Variants in PLEKHG1 observed in about 807,000 individuals in gnomAD.
PLEKHG1 encodes the protein pleckstrin homology and RhoGEF domain containing G1, also known as pleckstrin homology domain-containing family G member 1.
Under a neutral mutation model 100.8 loss-of-function variants are expected in PLEKHG1, and 44 were observed. That is an observed-to-expected ratio of 0.44 (90% confidence interval 0.34 to 0.56). PLEKHG1 has a LOEUF of 0.56. Ranked by LOEUF, PLEKHG1 falls within the 20% of genes least tolerant of loss-of-function variation. The pLI, the probability that PLEKHG1 is intolerant of heterozygous loss-of-function variation, is 0.01. For missense variants in PLEKHG1, 1,545 were observed against 1,720.9 expected, an observed-to-expected ratio of 0.90 and a Z score of 1.81; for synonymous variants, 640 against 662.5, an observed-to-expected ratio of 0.97 and a Z score of 0.52.
chr6:150,819,790 T>C lies in PLEKHG1; in HGVS notation c.1408+16T>C. On this transcript the variant is annotated intron_variant, in intron 12 of 15. Coordinates refer to ENST00000358517, the Ensembl canonical transcript of PLEKHG1. ...AGAAAATCTGGTAAGTAAGATGTTG[T>C]CATAAAAATTTAATTCTAATGGGGG... The C allele has an allele frequency of 7.0e-7, 1 of 1,433,246 alleles. No homozygotes were observed. 88.8% of individuals were successfully genotyped at this position (1,433,246 alleles called of 1,614,324 possible). A position where few individuals can be genotyped will look rare whatever the true frequency, so the allele number is the denominator to read the frequency against.
chr6:150,740,049 AT>A (rs1264657097), intron 2 of PLEKHG1, among the ~76,000 whole-genome samples: 2 of 152,222 alleles, frequency 1.3e-5, no homozygotes, highest in African/African-American at 2.4e-5. Flanking sequence ...CTTCTCCAAA[AT>A]TTGTGCAGAA....
At chr6:150,605,005 C>T (rs1041083113) in intron 1 of PLEKHG1, among the ~76,000 whole-genome samples, 1 of 152,206 alleles carries the variant, frequency 6.6e-6, no homozygotes, top group African/African-American at 2.4e-5. Flanking sequence ...TCTCTCTCAC[C>T]AGTGGTGGGG....
intron 15 of PLEKHG1, among the ~76,000 whole-genome samples, chr6:150,836,898 AC>A (rs1777252520): frequency 6.6e-6 from 1 of 151,320 alleles, no homozygotes; most frequent in African/African-American, 2.4e-5. Flanking sequence ...GCAGTGACTC[AC>A]ACCTGTAATC....
chr6:150,639,006 T>G (rs1219291014), intron 2 of PLEKHG1, among the ~76,000 whole-genome samples: 1 of 152,194 alleles, frequency 6.6e-6, no homozygotes, highest in Non-Finnish European at 1.5e-5. Flanking sequence ...GGAATGTTAT[T>G]TATATTCTGT....
intron 15 of PLEKHG1, among the ~76,000 whole-genome samples, chr6:150,836,776 T>C (rs112967728): frequency 2.0e-5 from 3 of 151,400 alleles, no homozygotes; most frequent in African/African-American, 7.3e-5. Flanking sequence ...TGAGTTATGA[T>C]TGTACCATTC....
At chr6:150,613,250 T>C (rs1023602784) in intron 1 of PLEKHG1, among the ~76,000 whole-genome samples, 1 of 152,196 alleles carries the variant, frequency 6.6e-6, no homozygotes, top group African/African-American at 2.4e-5. Flanking sequence ...TGTCCCCTTA[T>C]CAAAGAAGTC....
chr6:150,840,307 A>G, exon 16 of PLEKHG1: 6 of 1,614,202 alleles, frequency 3.7e-6, no homozygotes, highest in Non-Finnish European at 5.1e-6. Flanking sequence ...GTCTTGATCA[A>G]CAAATCAATG....
chr6:150,685,455 G>A (rs1478465080), intron 3 of PLEKHG1, among the ~76,000 whole-genome samples: 1 of 152,184 alleles, frequency 6.6e-6, no homozygotes, highest in Admixed American at 6.5e-5. Context: ...GGAAGGAGAG[G>A]CACCCAACAA....
chr6:150,603,713 T>A (rs1001342256), intron 1 of PLEKHG1, among the ~76,000 whole-genome samples: 4 of 151,016 alleles, frequency 2.6e-5, no homozygotes, highest in African/African-American at 7.3e-5. Flanking sequence ...CTTTTTCTGA[T>A]GAGATACAAG....
chr6:150,635,567 C>T (rs954474610), intron 1 of PLEKHG1, among the ~76,000 whole-genome samples: 2 of 152,176 alleles, frequency 1.3e-5, no homozygotes, highest in African/African-American at 4.8e-5. Context: ...CCTGGAGCCA[C>T]ATTTATAAAA....
chr6:150,706,085 C>G (rs1374798563), intron 3 of PLEKHG1, among the ~76,000 whole-genome samples: 1 of 152,100 alleles, frequency 6.6e-6, no homozygotes. Context: ...CTATTATTTT[C>G]TAAAAAGGTA....
intron 3 of PLEKHG1, among the ~76,000 whole-genome samples, chr6:150,680,952 CAA>C (rs943684307): frequency 2.0e-5 from 3 of 152,170 alleles, no homozygotes; most frequent in African/African-American, 7.2e-5. Context: ...TTAGGACAGA[CAA>C]AGAGGAGGTG....
chr6:150,607,612 A>G (rs1276502658), intron 1 of PLEKHG1, among the ~76,000 whole-genome samples: 1 of 152,228 alleles, frequency 6.6e-6, no homozygotes, highest in Admixed American at 6.5e-5. Context: ...TGCCGTGTGA[A>G]GGTCAGAGTC....
intron 10 of PLEKHG1, among the ~76,000 whole-genome samples, chr6:150,814,492 G>A (rs1422274649): frequency 6.6e-6 from 1 of 152,204 alleles, no homozygotes; most frequent in Non-Finnish European, 1.5e-5. Context: ...TACACACTGT[G>A]CTGAGTACTT....
intron 1 of PLEKHG1, among the ~76,000 whole-genome samples, chr6:150,605,135 G>C (rs9480490): frequency 0.079 from 11,955 of 152,268 alleles, 539 homozygotes; most frequent in Non-Finnish European, 0.1. Flanking sequence ...GAAGCATTTA[G>C]AGGTCTAGAG....
At chr6:150,832,955 G>C (rs535427368) in intron 15 of PLEKHG1, among the ~76,000 whole-genome samples, 11 of 151,950 alleles carry the variant, frequency 7.2e-5, no homozygotes, top group African/African-American at 2.2e-4. Context: ...GGGATTACAG[G>C]TGTGAGCCAC....
At chr6:150,620,786 G>A (rs956182576) in intron 1 of PLEKHG1, among the ~76,000 whole-genome samples, 2 of 152,152 alleles carry the variant, frequency 1.3e-5, no homozygotes, top group Admixed American at 6.5e-5. Flanking sequence ...CTCTGCCCTC[G>A]TGGGGTTTGC....
intron 3 of PLEKHG1, among the ~76,000 whole-genome samples, chr6:150,688,228 T>G (rs1780209672): frequency 6.6e-6 from 1 of 152,168 alleles, no homozygotes; most frequent in African/African-American, 2.4e-5. Context: ...AGTTGATTAC[T>G]GAGCTTCAGG....
rs1477336384 is a variant in PLEKHG1 at position 150,786,593 on chromosome 6, T to C, written c.582+134T>C. Reference sequence around the variant, plus strand: ...CTAATCTTTCTCTGGTTTCTTTGTTTGAGTAGCAAAAATGTATTGTTCCTG... The same window carrying C: ...CTAATCTTTCTCTGGTTTCTTTGTTCGAGTAGCAAAAATGTATTGTTCCTG... On this transcript the variant is annotated intron_variant, in intron 4 of 15. Transcript: ENST00000358517. 4 of 626,662 alleles carry C rather than the reference T, an allele frequency of 6.4e-6. No individual in the cohort carries two copies. The Admixed American group carries it at 1.2e-4, about 19-fold the overall frequency. The allele number at this position is 626,662 out of a possible 1,614,324, so 38.8% of individuals were successfully genotyped here.
Sources: allele counts gnomAD v4.1 joint callset (sites outside exome capture counted in the v4.1 genomes callset), GRCh38; gene constraint gnomAD v4.1.1; transcripts MANE v1.5; gene names NCBI Gene and HGNC (gene_info 2026-07-23, HGNC 2026-07-21).